TBCK: variants seen among roughly 807,000 people sequenced by gnomAD.
TBCK encodes TBC domain-containing protein kinase-like protein.
A neutral mutation model predicts 113.4 loss-of-function variants in TBCK; 99 were observed. The ratio of observed to expected loss-of-function variants is 0.87; its 90% CI spans 0.74 to 1.03. The LOEUF is 1.03. Ranked by LOEUF, TBCK falls within the 50% of genes least tolerant of loss-of-function variation. The pLI is 0.00. For synonymous variants in TBCK, 369 were observed against 370.8 expected (o/e 1.00, Z 0.05); for missense variants, 1,045 against 1,061.3 (o/e 0.98, Z 0.21).
intron 23 of TBCK, among the ~76,000 whole-genome samples, chr4:106,130,732 T>C (rs910927138): frequency 6.6e-6 from 1 of 152,154 alleles, no homozygotes; most frequent in Non-Finnish European, 1.5e-5. Context: ...AATGATGAGC[T>C]ACTTTTGAAT....
At chr4:106,112,023 C>T (rs1742916933) in intron 24 of TBCK, among the ~76,000 whole-genome samples, 1 of 152,192 alleles carries the variant, frequency 6.6e-6, no homozygotes, top group Non-Finnish European at 1.5e-5. Context: ...AACTAGATTG[C>T]ATTGATACAT....
At chr4:106,280,099 T>G (rs1764437233) in intron 3 of TBCK, among the ~76,000 whole-genome samples, 2 of 152,128 alleles carry the variant, frequency 1.3e-5, no homozygotes, top group South Asian at 4.1e-4. Context: ...ACATTTATTC[T>G]TGTCTGTCTT....
At chr4:106,050,677 T>TA (rs1472882110) in intron 25 of TBCK, among the ~76,000 whole-genome samples, 1 of 152,040 alleles carries the variant, frequency 6.6e-6, no homozygotes, top group Non-Finnish European at 1.5e-5. Context: ...GGGTTGCCAC[T>TA]AAGGCCCACT....
chr4:106,215,996 C>G (rs1262522336), intron 19 of TBCK, among the ~76,000 whole-genome samples: 4 of 148,210 alleles, frequency 2.7e-5, no homozygotes, highest in African/African-American at 4.9e-5. Context: ...TGTAAAAGAA[C>G]AGAAATTATA....
intron 25 of TBCK, among the ~76,000 whole-genome samples, chr4:106,067,493 C>T (rs1191703366): frequency 6.6e-6 from 1 of 152,058 alleles, no homozygotes; most frequent in Non-Finnish European, 1.5e-5. Context: ...CTTTGAAGCA[C>T]AAATTCTTAC....
At position 106,239,968 on chromosome 4, in the gene TBCK, G is replaced by C. The variant is rs76392961; in HGVS notation, c.1170+2502C>G. On this transcript the variant is annotated intron_variant, in intron 12 of 25. Coordinates refer to ENST00000394708, the MANE Select transcript of TBCK (RefSeq NM_001163435.3). ...GCCTATCTCAAATAGAAACAGAAAT[G>C]CAAAAATTCTAAACAAAATATTAGA... Among the ~76,000 whole-genome samples the C allele has an allele frequency of 1.5e-4, 23 of 151,882 alleles. No homozygotes were observed. In the East Asian group the frequency reaches 4.4e-3, roughly 29 times the overall value.
At chr4:106,190,191 T>A (rs1180525091) in intron 22 of TBCK, among the ~76,000 whole-genome samples, 2 of 152,126 alleles carry the variant, frequency 1.3e-5, no homozygotes, top group Admixed American at 1.3e-4. Context: ...CACATAAATC[T>A]TACAGTAACC....
intron 12 of TBCK, among the ~76,000 whole-genome samples, chr4:106,241,664 G>A (rs1760154739): frequency 6.6e-6 from 1 of 151,054 alleles, no homozygotes; most frequent in Admixed American, 6.6e-5. Flanking sequence ...TGAGACAAGG[G>A]GTATTTTTTT....
rs534890183 is a variant in TBCK, at chr4:106,120,690, C to A, written c.2236-4312G>T. ...CCCGAGCAGCCTAACTGGGAGGCAC[C>A]CCCCAGCAGGGGCACACTGACACCT... On this transcript the variant is annotated intron_variant, in intron 23 of 25. Transcript: ENST00000394708. Among the ~76,000 whole-genome samples the A allele has an allele frequency of 1.4e-4, 22 of 152,296 alleles. No homozygotes were observed. The East Asian group carries it at 3.7e-3, about 25-fold the overall frequency.
At chr4:106,170,769 CT>C (rs1198765162) in intron 23 of TBCK, among the ~76,000 whole-genome samples, 1 of 151,958 alleles carries the variant, frequency 6.6e-6, no homozygotes, top group African/African-American at 2.4e-5. Context: ...CTATTAACAA[CT>C]CTTTTTCTAT....
intron 2 of TBCK, among the ~76,000 whole-genome samples, chr4:106,304,549 A>G (rs1182807848): frequency 6.6e-6 from 1 of 152,212 alleles, no homozygotes; most frequent in African/African-American, 2.4e-5. Flanking sequence ...AGTTAGATTT[A>G]CTTCTTTGCC....
chr4:106,289,600 C>T (rs1242981717), intron 3 of TBCK, among the ~76,000 whole-genome samples: 3 of 151,792 alleles, frequency 2.0e-5, no homozygotes, highest in Admixed American at 6.6e-5. Flanking sequence ...GAAACCCCAT[C>T]TCTACTAAAA....
At chr4:106,273,826 C>A (rs1466846403) in intron 3 of TBCK, among the ~76,000 whole-genome samples, 2 of 152,216 alleles carry the variant, frequency 1.3e-5, no homozygotes, top group Non-Finnish European at 2.9e-5. Flanking sequence ...TTTCTGAATT[C>A]TGGCCTCCAG....
chr4:106,174,673 T>G (rs1253887448), intron 22 of TBCK, among the ~76,000 whole-genome samples: 1 of 152,178 alleles, frequency 6.6e-6, no homozygotes, highest in Non-Finnish European at 1.5e-5. Context: ...AAATCTTCTA[T>G]TCTATAAGAA....
chr4:106,097,144 ATTAT>A (rs1741019870), intron 24 of TBCK, among the ~76,000 whole-genome samples: 3 of 152,266 alleles, frequency 2.0e-5, no homozygotes, highest in South Asian at 2.1e-4. Flanking sequence ...CTTGTGATTT[ATTAT>A]TTGTTTAAAA....
At chr4:106,114,426 G>A (rs562765239) in intron 24 of TBCK, among the ~76,000 whole-genome samples, 6 of 152,226 alleles carry the variant, frequency 3.9e-5, no homozygotes, top group East Asian at 1.9e-4. Context: ...TGCTATCTCC[G>A]GGCAGGGTGA....
At chr4:106,201,866 C>T (rs973481605) in intron 20 of TBCK, among the ~76,000 whole-genome samples, 1 of 151,966 alleles carries the variant, frequency 6.6e-6, no homozygotes, top group Non-Finnish European at 1.5e-5. Flanking sequence ...TTATTATATG[C>T]CTTCTCTGTA....
intron 5 of TBCK, among the ~76,000 whole-genome samples, chr4:106,253,128 ATT>A (rs922083308): frequency 6.6e-6 from 1 of 152,006 alleles, no homozygotes; most frequent in Admixed American, 6.6e-5. Flanking sequence ...GACACCTGGA[ATT>A]TTTGTGTTTG....
At chr4:106,195,524 G>A (rs1486466947) in intron 20 of TBCK, among the ~76,000 whole-genome samples, 1 of 149,938 alleles carries the variant, frequency 6.7e-6, no homozygotes, top group Non-Finnish European at 1.5e-5. Context: ...GTGTGATGGT[G>A]TTTCCAGATA....
Sources: allele counts gnomAD v4.1 joint callset (sites outside exome capture counted in the v4.1 genomes callset), GRCh38; gene constraint gnomAD v4.1.1; transcripts MANE v1.5; gene names NCBI Gene and HGNC (gene_info 2026-07-23, HGNC 2026-07-21).